Variants in DLG5 observed in about 807,000 individuals in gnomAD.
The protein encoded by DLG5 is discs large MAGUK scaffold protein 5, also known as disks large homolog 5.
DLG5 carries 48 observed loss-of-function variants against 189.8 expected under a neutral mutation model. The ratio of observed to expected loss-of-function variants is 0.25; its 90% confidence interval spans 0.20 to 0.32. The LOEUF (loss-of-function observed/expected upper bound fraction) is 0.32. Among genes scored for constraint, DLG5 ranks in the 10% least tolerant of loss-of-function variants. The pLI, the probability that DLG5 is intolerant of heterozygous loss-of-function variation, is 1.00. For missense variants in DLG5, 2,160 were observed against 2,544.7 expected (o/e 0.85, Z 3.25); for synonymous variants, 1,016 against 1,054.1 (o/e 0.96, Z 0.70).
At chr10:77,827,523 G>A (rs957787300) in intron 13 of DLG5, among the ~76,000 whole-genome samples, 6 of 152,142 alleles carry the variant, frequency 3.9e-5, no homozygotes, top group Admixed American at 2.0e-4. Context: ...ACCGTGCCCC[G>A]CTGGCATTTT....
intron 1 of DLG5, among the ~76,000 whole-genome samples, chr10:77,918,938 G>T (rs181103513): frequency 6.6e-6 from 1 of 152,146 alleles, no homozygotes; most frequent in Non-Finnish European, 1.5e-5. Context: ...GACAACGGCC[G>T]AGAGTGGTGG....
intron 5 of DLG5, among the ~76,000 whole-genome samples, chr10:77,844,213 T>C (rs1843570376): frequency 1.3e-5 from 2 of 152,144 alleles, no homozygotes; most frequent in South Asian, 4.1e-4. Context: ...ACTTGAGCAC[T>C]GAGTCTCTAA....
upstream of DLG5, chr10:77,927,710 T>C (rs963938583): frequency 6.6e-6 from 1 of 152,228 alleles, no homozygotes; most frequent in Non-Finnish European, 1.5e-5. Flanking sequence ...ATCAGCGGAC[T>C]ACCTTGCTTC....
intron 27 of DLG5, among the ~76,000 whole-genome samples, chr10:77,797,974 G>A (rs1841009847): frequency 6.6e-6 from 1 of 152,098 alleles, no homozygotes; most frequent in Non-Finnish European, 1.5e-5. Flanking sequence ...ATCGCTTGAG[G>A]TCAAGAGTTT....
intron 1 of DLG5, among the ~76,000 whole-genome samples, chr10:77,911,554 T>A (rs1156903487): frequency 6.6e-6 from 1 of 152,174 alleles, no homozygotes; most frequent in Non-Finnish European, 1.5e-5. Context: ...AGATTGGCAA[T>A]GGTCAAATAT....
chr10:77,921,741 T>C (rs538871618), intron 1 of DLG5, among the ~76,000 whole-genome samples: 54 of 152,342 alleles, frequency 3.5e-4, no homozygotes, highest in African/African-American at 1.3e-3. Flanking sequence ...TCTCCTCGGC[T>C]TCTCCAGCGG....
At chr10:77,804,883 T>G (rs1841392989) in intron 27 of DLG5, among the ~76,000 whole-genome samples, 2 of 152,218 alleles carry the variant, frequency 1.3e-5, no homozygotes, top group African/African-American at 4.8e-5. Context: ...GATTGCTTCT[T>G]GCCTACCCAA....
intron 13 of DLG5, among the ~76,000 whole-genome samples, chr10:77,825,322 T>A (rs1004224029): frequency 5.3e-5 from 8 of 150,820 alleles, no homozygotes; most frequent in Admixed American, 2.7e-4. Flanking sequence ...CAGCTACGTA[T>A]CTTCATTACG....
At chr10:77,804,279 G>C (rs191398063) in intron 27 of DLG5, among the ~76,000 whole-genome samples, 1 of 152,192 alleles carries the variant, frequency 6.6e-6, no homozygotes, top group South Asian at 2.1e-4. Context: ...TCAGCAAAGG[G>C]CTAATAGACT....
intron 31 of DLG5, chr10:77,793,790 T>C: frequency 1.7e-6 from 1 of 580,010 alleles, no homozygotes; most frequent in Non-Finnish European, 3.1e-6. Flanking sequence ...AGGCAGGACC[T>C]GAGGCCAAGA....
intron 5 of DLG5, 149 bp from the exon 6 acceptor site, chr10:77,843,855 T>TC: frequency 2.2e-6 from 2 of 914,298 alleles, no homozygotes. Flanking sequence ...AGTCTTGAGG[T>TC]CCAATTCTCC....
At chr10:77,820,195 A>G in intron 15 of DLG5, 177 bp from the exon 16 acceptor site, 1 of 789,306 alleles carries the variant, frequency 1.3e-6, no homozygotes, top group Non-Finnish European at 1.9e-6. Flanking sequence ...AAAATACAAA[A>G]ATTAGCTGGG....
At chr10:77,799,457 G>T (rs1841090927) in intron 27 of DLG5, among the ~76,000 whole-genome samples, 1 of 152,162 alleles carries the variant, frequency 6.6e-6, no homozygotes, top group African/African-American at 2.4e-5. Flanking sequence ...AACATGTGAG[G>T]ACACAGCAAG....
At chr10:77,829,199 G>GACC in intron 12 of DLG5, among the ~76,000 whole-genome samples, 156 bp downstream of exon 12, 1 of 152,344 alleles carries the variant, frequency 6.6e-6, no homozygotes, top group East Asian at 1.9e-4. Context: ...TCAGGGCCCA[G>GACC]ACCACCTCTT....
rs990574358 is a variant in DLG5, at chr10:77,844,250, T to C, written c.865-544A>G. Among the ~76,000 whole-genome samples the C allele has an allele frequency of 2.6e-5, 4 of 152,088 alleles. No homozygotes were observed. The East Asian group carries it at 7.7e-4, about 29-fold the overall frequency. On this transcript the variant is annotated intron_variant, in intron 5 of 31. Coordinates refer to ENST00000372391, the MANE Select transcript of DLG5 (RefSeq NM_004747.4). ...GGGCCTCCGTGGAGGCCAGCACTTC[T>C]TGTGTGTTGTTGTGATTCCATGCTG...
intron 2 of DLG5, among the ~76,000 whole-genome samples, chr10:77,867,681 C>G (rs577729882): frequency 4.3e-4 from 65 of 152,314 alleles, no homozygotes; most frequent in African/African-American, 1.5e-3. Context: ...TTGTGGCCCC[C>G]CAAAAGATGC....
At chr10:77,897,280 T>C (rs1845789395) in intron 1 of DLG5, among the ~76,000 whole-genome samples, 1 of 151,830 alleles carries the variant, frequency 6.6e-6, no homozygotes, top group African/African-American at 2.4e-5. Context: ...AGCTTGAACC[T>C]GGGAGGCGAA....
At chr10:77,880,240 G>C (rs999796551) in intron 1 of DLG5, among the ~76,000 whole-genome samples, 74 of 152,246 alleles carry the variant, frequency 4.9e-4, no homozygotes, top group African/African-American at 1.7e-3. Flanking sequence ...GATCACCTGA[G>C]GTCAGGGTTT....
At chr10:77,913,613 G>T (rs1846283473) in intron 1 of DLG5, among the ~76,000 whole-genome samples, 1 of 152,034 alleles carries the variant, frequency 6.6e-6, no homozygotes, top group Non-Finnish European at 1.5e-5. Flanking sequence ...TTTAGAGCTG[G>T]GGTCTGGCTC....
Sources: gnomAD v4.1 joint callset for allele counts (sites outside exome capture counted in the v4.1 genomes callset) on GRCh38, gnomAD v4.1.1 for gene constraint, MANE v1.5 for transcripts, NCBI Gene and HGNC (gene_info 2026-07-23, HGNC 2026-07-21) for gene names.